The following ATP10A variants were observed in gnomAD, a reference collection of about 807,000 sequenced individuals.
ATP10A encodes phospholipid-transporting ATPase VA.
ATP10A carries 111 observed loss-of-function variants against 147.8 expected under a neutral mutation model. The observed-to-expected ratio is 0.75, with a 90% confidence interval of 0.64 to 0.88. The LOEUF (loss-of-function observed/expected upper bound fraction) is 0.88. Among genes scored for constraint, ATP10A ranks in the 40% least tolerant of loss-of-function variants. The pLI is 0.00. For synonymous variants in ATP10A, 875 were observed against 841.6 expected (o/e 1.04, Z -0.69); for missense variants, 1,927 against 1,959.0 (o/e 0.98, Z 0.31).
intron 12 of ATP10A, 142 bp downstream of exon 12, chr15:25,707,834 T>G: frequency 8.3e-7 from 1 of 1,211,654 alleles, no homozygotes; most frequent in South Asian, 1.5e-5. Flanking sequence ...CCCTCCCGCC[T>G]CGGCTGTGCC....
intron 15 of ATP10A, 34 bp downstream of exon 15, chr15:25,691,681 A>T: frequency 1.2e-6 from 2 of 1,611,648 alleles, no homozygotes; most frequent in Non-Finnish European, 1.7e-6. Context: ...AGTAGGGCCA[A>T]TTGGTCACAC....
At chr15:25,802,177 G>C (rs1345740113) in intron 1 of ATP10A, among the ~76,000 whole-genome samples, 1 of 152,230 alleles carries the variant, frequency 6.6e-6, no homozygotes, top group Non-Finnish European at 1.5e-5. Context: ...GAACAGAACA[G>C]AAATTGGGCA....
At position 25,680,811 on chromosome 15, in the gene ATP10A, C is replaced by T. The variant is rs758901597; in HGVS notation, c.3677G>A (p.Trp1226Ter). ...CGTGGCCATGCAGGCGGCTCTTACC[C>T]AGGTTTTGGTTTCAATGCCCAGGTG... The part of the protein sequence containing the change: ...LLHLGIETKT[W>*]TWLNWITCGF... Residue 1226 changes from tryptophan (W) to a stop codon, truncating the protein, a stop_gained and splice_region_variant, in exon 19 of 21, where the codon TGG becomes TAG. Coordinates refer to ENST00000555815, the MANE Select transcript of ATP10A (RefSeq NM_024490.4). LOFTEE classifies it high-confidence loss of function. 6.2e-6 allele frequency: 10 copies of T among 1,612,796 alleles called. No individual in the cohort carries two copies. The highest frequency in any genetic ancestry group is 8.5e-6 in the Non-Finnish European group (10 of 1,179,710).
chr15:25,790,966 A>G (rs973195938), intron 1 of ATP10A, among the ~76,000 whole-genome samples: 2 of 152,144 alleles, frequency 1.3e-5, no homozygotes, highest in African/African-American at 4.8e-5. Flanking sequence ...TTTGCATTGT[A>G]AATATTTTTT....
At chr15:25,757,813 T>TGATCACCTGCTCCACCCTAACTCATTCC (rs1888507192) in intron 2 of ATP10A, among the ~76,000 whole-genome samples, 5 of 151,902 alleles carry the variant, frequency 3.3e-5, no homozygotes, top group South Asian at 2.1e-4. Context: ...CAACCTTTTT[T>TGATCACCTGCTCCACCCTAACTCATTCC]GATCACCTGC....
intron 3 of ATP10A, among the ~76,000 whole-genome samples, chr15:25,735,639 A>G (rs1887225511): frequency 6.6e-6 from 1 of 152,214 alleles, no homozygotes; most frequent in Non-Finnish European, 1.5e-5. Context: ...GAATGCACCC[A>G]GCATGTAACA....
At chr15:25,837,435 A>C (rs13329675) in intron 1 of ATP10A, among the ~76,000 whole-genome samples, 13,376 of 152,256 alleles carry the variant, frequency 0.088, 937 homozygotes, top group African/African-American at 0.2. Context: ...GTGTGATCTC[A>C]CGCTAACAAA....
intron 2 of ATP10A, among the ~76,000 whole-genome samples, chr15:25,772,703 T>C (rs1358313146): frequency 6.6e-6 from 1 of 152,186 alleles, no homozygotes; most frequent in Non-Finnish European, 1.5e-5. Flanking sequence ...GGAACGACCC[T>C]GAAGATCTGG....
chr15:25,849,518 G>A (rs1596998052), intron 1 of ATP10A, among the ~76,000 whole-genome samples: 1 of 152,304 alleles, frequency 6.6e-6, no homozygotes, highest in African/African-American at 2.4e-5. Context: ...CAAGTCCCAA[G>A]GGCGCATTAT....
At chr15:25,796,274 G>A (rs1158472452) in intron 1 of ATP10A, among the ~76,000 whole-genome samples, 2 of 152,110 alleles carry the variant, frequency 1.3e-5, no homozygotes, top group Admixed American at 1.3e-4. Context: ...GTGTGGTGGT[G>A]TACCCCTGTG....
intron 1 of ATP10A, among the ~76,000 whole-genome samples, chr15:25,819,015 T>A (rs560950834): frequency 1.3e-5 from 2 of 152,112 alleles, no homozygotes; most frequent in South Asian, 4.2e-4. Flanking sequence ...TGGACGTTGG[T>A]CTAGGCAAAG....
At chr15:25,824,460 C>T (rs1396794531) in intron 1 of ATP10A, among the ~76,000 whole-genome samples, 1 of 127,168 alleles carries the variant, frequency 7.9e-6, no homozygotes, top group Non-Finnish European at 1.6e-5. Context: ...GACAAGGGAG[C>T]AAGACCCTGT....
chr15:25,713,614 G>C (rs1467019521), intron 10 of ATP10A, 60 bp downstream of exon 10: 4 of 1,493,746 alleles, frequency 2.7e-6, no homozygotes, highest in Non-Finnish European at 2.7e-6. Flanking sequence ...AATTGGGTGG[G>C]GATATTTCTC....
chr15:25,703,136 T>A (rs987951123), intron 12 of ATP10A, among the ~76,000 whole-genome samples: 4 of 152,090 alleles, frequency 2.6e-5, no homozygotes, highest in Non-Finnish European at 4.4e-5. Context: ...GGCGGGCGGG[T>A]CACTTGAGGT....
rs76266135 is a variant in ATP10A, at chr15:25,852,982, G to A, written c.449+9666C>T. ...TTCCAGCAAACTTTCAGAGGGCAAAGGAGAAGTTTTCCTCTAGCCCCTACA... is the reference window on the plus strand; with the variant it reads ...TTCCAGCAAACTTTCAGAGGGCAAAAGAGAAGTTTTCCTCTAGCCCCTACA... On this transcript the variant is annotated intron_variant, in intron 1 of 20. Transcript: ENST00000555815. Among the ~76,000 whole-genome samples the A allele has an allele frequency of 1.1e-3, 168 of 152,316 alleles. 2 individuals are homozygous for A. The East Asian group carries it at 0.027, about 24-fold the overall frequency.
At chr15:25,750,421 C>T (rs1428806359) in intron 2 of ATP10A, among the ~76,000 whole-genome samples, 2 of 151,898 alleles carry the variant, frequency 1.3e-5, no homozygotes, top group Admixed American at 6.6e-5. Context: ...AAATTCCTCA[C>T]CCACAGATCC....
chr15:25,722,358 G>A (rs1410869921), intron 6 of ATP10A, among the ~76,000 whole-genome samples: 1 of 152,176 alleles, frequency 6.6e-6, no homozygotes, highest in Non-Finnish European at 1.5e-5. Flanking sequence ...CAAGTTCAGG[G>A]GGCAGTGCAA....
rs768725738 is a variant in ATP10A at position 25,727,288 on chromosome 15, A to G, written c.741-22T>C. On this transcript the variant is annotated intron_variant, in intron 3 of 20. Coordinates refer to ENST00000555815, the MANE Select transcript of ATP10A (RefSeq NM_024490.4). Reference sequence around the variant, plus strand: ...TATGCTGTAGAGGGACAGTTGGCACATGTCACGTGGTTGCAGGCCTGTGCC... The same window carrying G: ...TATGCTGTAGAGGGACAGTTGGCACGTGTCACGTGGTTGCAGGCCTGTGCC... 1.9e-6 allele frequency: 3 copies of G among 1,593,644 alleles called. No homozygotes were observed. In the South Asian group the frequency reaches 3.3e-5, roughly 18 times the overall value.
At chr15:25,767,743 G>A (rs1299666598) in intron 2 of ATP10A, among the ~76,000 whole-genome samples, 5 of 152,212 alleles carry the variant, frequency 3.3e-5, no homozygotes, top group East Asian at 1.9e-4. Context: ...AAACTAATGC[G>A]TGCTAGCTGC....
Sources: gnomAD v4.1 joint callset for allele counts (sites outside exome capture counted in the v4.1 genomes callset) on GRCh38, gnomAD v4.1.1 for gene constraint, MANE v1.5 for transcripts, NCBI Gene and HGNC (gene_info 2026-07-23, HGNC 2026-07-21) for gene names.